The following CIZ1 variants were observed in gnomAD, a reference collection of about 807,000 sequenced individuals.
CIZ1 encodes the protein CDKN1A interacting zinc finger protein 1.
Under a neutral mutation model 118.6 loss-of-function variants are expected in CIZ1, and 58 were observed. The observed-to-expected ratio is 0.49, with a 90% confidence interval of 0.40 to 0.61. CIZ1 has a LOEUF of 0.61. CIZ1 is among the 20% of genes least tolerant of loss of function. The pLI is 0.00. For synonymous variants in CIZ1, 448 were observed against 443.4 expected (o/e 1.01, Z -0.13); for missense variants, 921 against 1,115.9 (o/e 0.83, Z 2.49).
At chr9:128,190,516 C>T (rs891667500) in intron 2 of CIZ1, 72 bp from the exon 3 acceptor site, 1 of 1,380,038 alleles carries the variant, frequency 7.2e-7, no homozygotes, top group Admixed American at 2.0e-5. Context: ...AGGCTTCTCA[C>T]CTCCATTCTC....
Position 128,170,065 on chromosome 9 carries a change from G to GT in CIZ1, c.1985dup (p.Tyr662Ter). Residue 662 changes from tyrosine to a stop codon, truncating the protein, a stop_gained and frameshift_variant, in exon 12 of 17, where the codon TAC becomes TAAC. Transcript: ENST00000372938. LOFTEE classifies it high-confidence loss of function. Reference protein sequence around the residue: ...PRRWCNTCQLYYMGDLIQHRR... With the variant: ...PRRWCNTCQL ...GGTGTTGGATCAGGTCCCCCATGTA[G>GT]TAGAGCTGGCAGGTGTTGCACCAGC... is the stretch of plus-strand genomic sequence containing the variant. 1 of 1,614,120 alleles carries GT rather than the reference G, an allele frequency of 6.2e-7. No homozygotes were observed. Among genetic ancestry groups the GT allele is most frequent in the Non-Finnish European group, 8.5e-7 (1 of 1,180,022 alleles).
intron 4 of CIZ1, 140 bp from the exon 5 acceptor site, chr9:128,185,916 G>A (rs1832305943): frequency 1.4e-6 from 1 of 691,864 alleles, no homozygotes; most frequent in South Asian, 1.6e-5. Flanking sequence ...GCAGCCAAAG[G>A]GAAGAGATGA....
At chr9:128,176,554 AC>A in intron 10 of CIZ1, 79 bp from the exon 11 acceptor site, 1 of 1,417,016 alleles carries the variant, frequency 7.1e-7, no homozygotes, top group Non-Finnish European at 9.6e-7. Context: ...GGGGAGGCAG[AC>A]CCCAGCCTCA....
chr9:128,196,602 C>G (rs2131044364), upstream of CIZ1, among the ~76,000 whole-genome samples: 1 of 150,848 alleles, frequency 6.6e-6, no homozygotes, highest in Non-Finnish European at 1.5e-5. Flanking sequence ...GTGAATGTCT[C>G]TATTATTTAT....
In CIZ1 at chr9:128,190,536, CTG is replaced by C. The variant is rs1309228297; in HGVS notation, c.171-94_171-93del. 33 of 1,356,688 alleles carry C rather than the reference CTG, an allele frequency of 2.4e-5. No individual in the cohort carries two copies. The African/African-American group carries it at 4.6e-4, about 19-fold the overall frequency. The allele number at this position is 1,356,688 out of a possible 1,614,324, so 84.0% of individuals were successfully genotyped here. On this transcript the variant is annotated intron_variant, in intron 2 of 16. Transcript: ENST00000372938. ...TCTCACCTCCATTCTCTGCCCCACTCTGTGGTAGACAGAGGACCCCTTGGGGC... is the reference window on the plus strand; with the variant it reads ...TCTCACCTCCATTCTCTGCCCCACTCTGGTAGACAGAGGACCCCTTGGGGC...
At chr9:128,198,287 G>A (rs1833426471) in intron 1 of CIZ1, 1 of 152,304 alleles carries the variant, frequency 6.6e-6, no homozygotes, top group Non-Finnish European at 1.5e-5. Flanking sequence ...CATTCCAGCA[G>A]GATGATCCCT....
chr9:128,202,078 TG>T (rs1833541926), intron 1 of CIZ1, among the ~76,000 whole-genome samples: 2 of 152,202 alleles, frequency 1.3e-5, no homozygotes, highest in Admixed American at 1.3e-4. Context: ...CAGCCACATG[TG>T]GGTAAGGACT....
intron 5 of CIZ1, 70 bp from the exon 6 acceptor site, chr9:128,180,884 G>C: frequency 1.7e-6 from 2 of 1,146,426 alleles, no homozygotes; most frequent in Non-Finnish European, 2.6e-6. Flanking sequence ...CCCAAGGGCA[G>C]CTGCCCCCCA....
chr9:128,166,434 A>G lies in CIZ1; in HGVS notation c.2488-28T>C. 1 of 1,478,408 alleles carries G rather than the reference A, an allele frequency of 6.8e-7. No individual in the cohort carries two copies. Among genetic ancestry groups the G allele is most frequent in the Non-Finnish European group, 9.1e-7 (1 of 1,097,566 alleles). The allele number at this position is 1,478,408 out of a possible 1,614,324, so 91.6% of individuals were successfully genotyped here. ...GGATACAGAAGGTGCAGGTAAGGTC[A>G]GGGTCTCCTCCCTACATGGTATGCT... On this transcript the variant is annotated intron_variant, in intron 16 of 16. Coordinates refer to ENST00000372938, the MANE Select transcript of CIZ1 (RefSeq NM_001131016.2). This position sits in a 1 kb window ranked among gnomAD's most constrained non-coding sequence, Gnocchi z 4.4.
intron 11 of CIZ1, among the ~76,000 whole-genome samples, chr9:128,174,271 C>T (rs1257583299): frequency 6.6e-6 from 1 of 152,166 alleles, no homozygotes; most frequent in Non-Finnish European, 1.5e-5. Flanking sequence ...CAGGGGATTG[C>T]TTCAGAAACG....
Position 128,191,510 on chromosome 9 carries a change from G to A in CIZ1, c.-84C>T. ...CCCGCAGCCCCCACGCCTCGGCCGGGCGGCTCCGGCCCGCGGGCTCCCGGC... is the reference window on the plus strand; with the variant it reads ...CCCGCAGCCCCCACGCCTCGGCCGGACGGCTCCGGCCCGCGGGCTCCCGGC... On this transcript the variant is annotated 5_prime_UTR_variant, in exon 1 of 17. Coordinates refer to ENST00000372938, the MANE Select transcript of CIZ1 (RefSeq NM_001131016.2). This position sits in a 1 kb window ranked among gnomAD's most constrained non-coding sequence, Gnocchi z 5.5. 2.0e-6 allele frequency: 2 copies of A among 1,006,060 alleles called. No individual in the cohort carries two copies. Among genetic ancestry groups the A allele is most frequent in the Non-Finnish European group, 2.4e-6 (2 of 843,300 alleles). The allele number at this position is 1,006,060 out of a possible 1,614,324, so 62.3% of individuals were successfully genotyped here. A position where few individuals can be genotyped will look rare whatever the true frequency, so the allele number is the denominator to read the frequency against.
rs1564271213 is a variant in CIZ1, at chr9:128,178,986, C to G, written c.1221G>C (p.Val407=). ...AEPLKQVQPQ[V]QPQAHSQPPR... ...GGGGCTGTGAATGTGCCTGGGGCTG[C>G]ACCTGTGGCTGCACCTGCTTCAGCG... The change falls in exon 8 of 17, where the codon GTG becomes GTC. Residue 407 remains valine, a synonymous_variant. Transcript: ENST00000372938. 11 of 1,612,660 alleles carry G rather than the reference C, an allele frequency of 6.8e-6. No individual in the cohort carries two copies. In the Admixed American group the frequency reaches 1.7e-4, roughly 24 times the overall value.
At chr9:128,193,666 C>T (rs1407855406), upstream of CIZ1, among the ~76,000 whole-genome samples, 1 of 152,072 alleles carries the variant, frequency 6.6e-6, no homozygotes, top group Admixed American at 6.6e-5. Flanking sequence ...GCCGAGATCA[C>T]ATCACTGCAT....
chr9:128,182,080 G>A lies in CIZ1; in HGVS notation c.589-1266C>T, dbSNP rs375327178. ...CTCTCTGCCTCGGCTGCCAGGCAGG[G>A]AAGGGCCCCCTGTCCAGTGGACACG... is the stretch of plus-strand genomic sequence containing the variant. On this transcript the variant is annotated intron_variant, in intron 5 of 16. Coordinates refer to ENST00000372938, the MANE Select transcript of CIZ1 (RefSeq NM_001131016.2). 1.7e-3 allele frequency among the ~76,000 whole-genome samples: 254 copies of A among 152,312 alleles called. 2 individuals are homozygous for A. Among genetic ancestry groups the A allele is most frequent in the African/African-American group, 5.9e-3 (247 of 41,572 alleles).
At chr9:128,171,673 G>C (rs1830138993) in intron 11 of CIZ1, among the ~76,000 whole-genome samples, 1 of 152,028 alleles carries the variant, frequency 6.6e-6, no homozygotes, top group East Asian at 1.9e-4. Context: ...GGAGGCGGAG[G>C]TTGCAGTGAG....
chr9:128,166,229 G>T lies in CIZ1; in HGVS notation c.2665C>A (p.Leu889Ile), dbSNP rs570681166. ...KVTARPSQPPLPRRSTRLKT is the reference protein window; with the variant it reads ...KVTARPSQPPIPRRSTRLKT The stretch of plus-strand genomic sequence containing the variant: ...TTGAGGCGGGTTGAGCGCCGAGGTA[G>T]TGGGGGCTGGGAGGGTCGAGCCGTC... The change falls in exon 17 of 17, where the codon CTA becomes ATA. Residue 889 changes from leucine (L) to isoleucine (I), a missense_variant. Coordinates refer to ENST00000372938, the MANE Select transcript of CIZ1 (RefSeq NM_001131016.2). This position sits in a 1 kb window ranked among gnomAD's most constrained non-coding sequence, Gnocchi z 4.4. The T allele has an allele frequency of 1.3e-6, 2 of 1,507,386 alleles. No individual in the cohort carries two copies. The highest frequency in any genetic ancestry group is 2.6e-5 in the South Asian group (2 of 77,262). 93.4% of individuals were successfully genotyped at this position (1,507,386 alleles called of 1,614,324 possible).
At chr9:128,196,063 T>C (rs1175397175), upstream of CIZ1, among the ~76,000 whole-genome samples, 1 of 151,658 alleles carries the variant, frequency 6.6e-6, no homozygotes, top group Non-Finnish European at 1.5e-5. Flanking sequence ...GATGGGGTTT[T>C]ACCATGTTGT....
At chr9:128,167,516 GA>G in intron 14 of CIZ1, 1 of 230,076 alleles carries the variant, frequency 4.3e-6, no homozygotes, top group Non-Finnish European at 8.6e-6. Context: ...AGAAGAAACT[GA>G]GGCCCAGGGA....
At chr9:128,168,526 A>G (rs112445284) in intron 14 of CIZ1, among the ~76,000 whole-genome samples, 1 of 145,142 alleles carries the variant, frequency 6.9e-6, no homozygotes, top group East Asian at 1.9e-4. Context: ...GAAAAAAAAA[A>G]AGAAAAAAAA....
Sources: allele counts gnomAD v4.1 joint callset (sites outside exome capture counted in the v4.1 genomes callset), GRCh38; gene constraint gnomAD v4.1.1; non-coding constraint Gnocchi (gnomAD v3.1); transcripts MANE v1.5; gene names NCBI Gene and HGNC (gene_info 2026-07-23, HGNC 2026-07-21).